RPS6KA5: variants seen among roughly 807,000 people sequenced by gnomAD.
RPS6KA5 encodes ribosomal protein S6 kinase alpha-5.
RPS6KA5 carries 27 observed loss-of-function variants against 85.5 expected under a neutral mutation model. The observed-to-expected ratio is 0.32, with a 90% CI of 0.23 to 0.44. The LOEUF is 0.44. RPS6KA5 is among the 20% of genes least tolerant of loss of function. The pLI, the probability that RPS6KA5 is intolerant of heterozygous loss-of-function variation, is 1.00. For missense variants in RPS6KA5, 811 were observed against 980.9 expected, an observed-to-expected ratio of 0.83 and a Z score of 2.31; for synonymous variants, 334 against 348.2, an observed-to-expected ratio of 0.96 and a Z score of 0.46.
chr14:90,867,527 C>T lies in RPS6KA5; in HGVS notation c.*4547G>A, dbSNP rs535897775. 2.0e-5 allele frequency: 3 copies of T among 152,118 alleles called. No individual in the cohort carries two copies. Among genetic ancestry groups the T allele is most frequent in the African/African-American group, 4.8e-5 (2 of 41,438 alleles). 9.4% of individuals were successfully genotyped at this position (152,118 alleles called of 1,614,324 possible). On this transcript the variant is annotated 3_prime_UTR_variant, in exon 17 of 17. Coordinates refer to ENST00000614987, the MANE Select transcript of RPS6KA5 (RefSeq NM_004755.4). ...ATTCAATACTTTCTGATAACCCAAG[C>T]AGCATTATATTAATAGTTAGAATAC...
In RPS6KA5 at chr14:90,955,768, G is replaced by A. The variant is rs1366495213; in HGVS notation, c.395-8218C>T. Among the ~76,000 whole-genome samples, 5 of 152,132 alleles carry A rather than the reference G, an allele frequency of 3.3e-5. No homozygotes were observed. In the South Asian group the frequency reaches 8.3e-4, roughly 25 times the overall value. ...GCCTAGGTGGTTTATTGTGTTGTTT[G>A]GGTCTTCTGTTTCCTTGCTGAATCT... On this transcript the variant is annotated intron_variant, in intron 3 of 16. Transcript: ENST00000614987.
Position 90,893,819 on chromosome 14 carries a change from T to C in RPS6KA5, c.1644+594A>G, listed in dbSNP as rs541509584. On this transcript the variant is annotated intron_variant, in intron 13 of 16. Coordinates refer to ENST00000614987, the MANE Select transcript of RPS6KA5 (RefSeq NM_004755.4). The stretch of plus-strand genomic sequence containing the variant: ...ACTAAAAAGGGATCATTCTAAGAGT[T>C]AGAACATTCTTTATTAGCCTTTCAT... 3.9e-5 allele frequency among the ~76,000 whole-genome samples: 6 copies of C among 152,246 alleles called. No individual in the cohort carries two copies. In the East Asian group the frequency reaches 1.2e-3, roughly 29 times the overall value.
chr14:91,054,917 T>C (rs1285991), intron 1 of RPS6KA5, among the ~76,000 whole-genome samples: 85,169 of 151,832 alleles, frequency 0.56, 24,016 homozygotes, highest in Non-Finnish European at 0.59. Context: ...AAGAGACATG[T>C]ACCTAAAATA....
At chr14:90,967,596 G>T (rs189114104) in intron 3 of RPS6KA5, among the ~76,000 whole-genome samples, 2 of 152,204 alleles carry the variant, frequency 1.3e-5, no homozygotes, top group African/African-American at 4.8e-5. Context: ...TACTACCAGG[G>T]TCTAATTACT....
intron 1 of RPS6KA5, among the ~76,000 whole-genome samples, chr14:91,053,362 T>C (rs374381543): frequency 8.5e-5 from 13 of 152,278 alleles, no homozygotes; most frequent in African/African-American, 2.9e-4. Flanking sequence ...GCCAAGGCAA[T>C]TAAGCAGGAA....
chr14:90,947,609 T>C, intron 3 of RPS6KA5, 59 bp from the exon 4 acceptor site: 1 of 993,154 alleles, frequency 1.0e-6, no homozygotes, highest in Non-Finnish European at 1.6e-6. Flanking sequence ...AAAGCAGTGT[T>C]TCCTTTTAAT....
rs566710564 is a variant in RPS6KA5, at chr14:90,939,020, T to C, written c.618+4058A>G. 1.1e-4 allele frequency among the ~76,000 whole-genome samples: 17 copies of C among 152,338 alleles called. No individual in the cohort carries two copies. In the South Asian group the frequency reaches 3.5e-3, roughly 32 times the overall value. ...TCAGGCTGCAAATTTTCCGAACTTT[T>C]ATGCTCTGTTTCTCTTTTAAAACTG... On this transcript the variant is annotated intron_variant, in intron 5 of 16. Coordinates refer to ENST00000614987, the MANE Select transcript of RPS6KA5 (RefSeq NM_004755.4).
chr14:90,910,053 G>A (rs553544540), intron 7 of RPS6KA5, among the ~76,000 whole-genome samples: 3 of 152,080 alleles, frequency 2.0e-5, no homozygotes, highest in African/African-American at 7.2e-5. Context: ...TGGAATTACA[G>A]GCGTGAGCCA....
chr14:90,982,017 G>T (rs1487669120), intron 2 of RPS6KA5, among the ~76,000 whole-genome samples: 1 of 152,214 alleles, frequency 6.6e-6, no homozygotes, highest in Non-Finnish European at 1.5e-5. Context: ...TCAGAGCAGA[G>T]AAAGAAAGTA....
chr14:90,975,946 C>T (rs976761628), intron 3 of RPS6KA5, among the ~76,000 whole-genome samples: 3 of 152,252 alleles, frequency 2.0e-5, no homozygotes, highest in African/African-American at 4.8e-5. Flanking sequence ...GTCCAGTTCA[C>T]GTTCCATTCT....
At chr14:90,900,407 ATTAT>A in intron 10 of RPS6KA5, among the ~76,000 whole-genome samples, 166 bp from the exon 11 acceptor site, 1 of 152,214 alleles carries the variant, frequency 6.6e-6, no homozygotes, top group South Asian at 2.1e-4. Context: ...CATCTAAATA[ATTAT>A]TTAAGATACA....
chr14:90,966,460 G>T (rs2039067081), intron 3 of RPS6KA5, among the ~76,000 whole-genome samples: 1 of 152,084 alleles, frequency 6.6e-6, no homozygotes. Flanking sequence ...GTTTGAGTAG[G>T]GGGAAGAACA....
At chr14:90,995,260 C>T (rs922703443) in intron 2 of RPS6KA5, among the ~76,000 whole-genome samples, 2 of 152,174 alleles carry the variant, frequency 1.3e-5, no homozygotes, top group African/African-American at 2.4e-5. Context: ...GCTGTGATTA[C>T]AAGCACGAGC....
chr14:90,940,203 GC>G (rs2037493907), intron 5 of RPS6KA5, among the ~76,000 whole-genome samples: 1 of 152,148 alleles, frequency 6.6e-6, no homozygotes, highest in South Asian at 2.1e-4. Flanking sequence ...AACCCTTAAA[GC>G]TTAATAGTAA....
Position 90,862,698 on chromosome 14 carries a change from A to C in RPS6KA5, c.*9376T>G, listed in dbSNP as rs1489838462. 6.6e-6 allele frequency: 1 copy of C among 152,196 alleles called. No homozygotes were observed. Among genetic ancestry groups the C allele is most frequent in the Non-Finnish European group, 1.5e-5 (1 of 68,088 alleles). The allele number at this position is 152,196 out of a possible 1,614,324, so 9.4% of individuals were successfully genotyped here. A position where few individuals can be genotyped will look rare whatever the true frequency, so the allele number is the denominator to read the frequency against. On this transcript the variant is annotated 3_prime_UTR_variant, in exon 17 of 17. Coordinates refer to ENST00000614987, the MANE Select transcript of RPS6KA5 (RefSeq NM_004755.4). Reference sequence around the variant, plus strand: ...AGGCTGGTCTCCAACTCCTGGGCTAAAGCAATCCTTCCTCTTGGCCTCCCA... The same window carrying C: ...AGGCTGGTCTCCAACTCCTGGGCTACAGCAATCCTTCCTCTTGGCCTCCCA...
intron 1 of RPS6KA5, among the ~76,000 whole-genome samples, chr14:91,023,979 T>C (rs2041894452): frequency 1.3e-5 from 2 of 152,200 alleles, no homozygotes; most frequent in South Asian, 4.1e-4. Flanking sequence ...TTCTCAGAAT[T>C]ACATTTGCTG....
At chr14:91,037,657 AAAG>A (rs139543830) in intron 1 of RPS6KA5, among the ~76,000 whole-genome samples, 20,250 of 152,172 alleles carry the variant, frequency 0.13, 1,524 homozygotes, top group East Asian at 0.3. Flanking sequence ...ATACTCTGCC[AAAG>A]AAGTTCTTGC....
At chr14:91,056,931 G>A (rs999527931) in intron 1 of RPS6KA5, among the ~76,000 whole-genome samples, 2 of 122,514 alleles carry the variant, frequency 1.6e-5, no homozygotes, top group East Asian at 2.7e-4. Context: ...TCAGGCTGGC[G>A]TGCAATGGCA....
At chr14:91,020,684 G>C (rs553966061) in intron 1 of RPS6KA5, among the ~76,000 whole-genome samples, 1 of 146,900 alleles carries the variant, frequency 6.8e-6, no homozygotes, top group African/African-American at 2.5e-5. Flanking sequence ...ATATCCTATT[G>C]GTCCTGGTCT....
Sources: gnomAD v4.1 joint callset for allele counts (sites outside exome capture counted in the v4.1 genomes callset) on GRCh38, gnomAD v4.1.1 for gene constraint, MANE v1.5 for transcripts, NCBI Gene and HGNC (gene_info 2026-07-23, HGNC 2026-07-21) for gene names.